Variants in LUZP2 observed in about 807,000 individuals in gnomAD.
The protein encoded by LUZP2 is leucine zipper protein 2.
LUZP2 carries 52 observed loss-of-function variants against 51.6 expected under a neutral mutation model. That is an observed-to-expected ratio of 1.01 (90% CI 0.81 to 1.27). The LOEUF is 1.27. Among genes scored for constraint, LUZP2 ranks in the 50% most tolerant of loss-of-function variants. The probability of loss-of-function intolerance (pLI) is 0.00; values close to 1 mark genes in which losing one functional copy is unlikely to be tolerated. For missense variants in LUZP2, 436 were observed against 395.4 expected, an observed-to-expected ratio of 1.10 and a Z score of -0.87; for synonymous variants, 154 against 137.3, an observed-to-expected ratio of 1.12 and a Z score of -0.85.
Position 24,557,870 on chromosome 11 carries a change from G to GTGCTGAGCCCGTTTCTCTTC in LUZP2, c.62+60572_62+60591dup, listed in dbSNP as rs1851917073. 7.2e-5 allele frequency among the ~76,000 whole-genome samples: 11 copies of GTGCTGAGCCCGTTTCTCTTC among 152,232 alleles called. No individual in the cohort carries two copies. In the South Asian group the frequency reaches 2.3e-3, roughly 32 times the overall value. ...ACTATTATGCTTGATTCTTCAGTAT[G>GTGCTGAGCCCGTTTCTCTTC]TGCTGAGCCCGTTTCTCTTCTGCTG... On this transcript the variant is annotated intron_variant, in intron 1 of 11. Transcript: ENST00000336930.
At chr11:24,998,170 A>T (rs372975460) in intron 9 of LUZP2, among the ~76,000 whole-genome samples, 1 of 152,038 alleles carries the variant, frequency 6.6e-6, no homozygotes, top group African/African-American at 2.4e-5. Flanking sequence ...GTCATTGGTA[A>T]CTTGATGGGG....
intron 5 of LUZP2, among the ~76,000 whole-genome samples, chr11:24,808,760 T>C (rs1362822890): frequency 6.6e-6 from 1 of 152,148 alleles, no homozygotes; most frequent in Non-Finnish European, 1.5e-5. Flanking sequence ...TGGAGTCACA[T>C]GTAACAAATC....
chr11:25,005,414 T>A (rs1448636337), intron 9 of LUZP2, among the ~76,000 whole-genome samples: 1 of 152,144 alleles, frequency 6.6e-6, no homozygotes, highest in Non-Finnish European at 1.5e-5. Flanking sequence ...GCAGGATAGT[T>A]TTGTAATTTA....
chr11:24,824,353 C>A (rs1850456442), intron 5 of LUZP2, among the ~76,000 whole-genome samples: 1 of 30,546 alleles, frequency 3.3e-5, no homozygotes, highest in Non-Finnish European at 8.6e-5. Context: ...GCAAGAAGAG[C>A]AAAACCCCAT....
chr11:24,947,816 G>C (rs2133858084), intron 7 of LUZP2, among the ~76,000 whole-genome samples: 1 of 151,892 alleles, frequency 6.6e-6, no homozygotes, highest in Non-Finnish European at 1.5e-5. Flanking sequence ...TCATGAGAAA[G>C]CCGCTGTTGT....
At chr11:24,991,582 G>A (rs1239413495) in intron 9 of LUZP2, among the ~76,000 whole-genome samples, 1 of 151,566 alleles carries the variant, frequency 6.6e-6, no homozygotes, top group African/African-American at 2.4e-5. Context: ...TGTATAGGTA[G>A]CCAGTAATGG....
chr11:24,966,577 T>A (rs1461584813), intron 7 of LUZP2, among the ~76,000 whole-genome samples: 1 of 149,562 alleles, frequency 6.7e-6, no homozygotes, highest in Non-Finnish European at 1.5e-5. Flanking sequence ...GAGGAAAAGA[T>A]CAAGGTTGAT....
At chr11:24,782,886 G>A (rs1237755492) in intron 5 of LUZP2, among the ~76,000 whole-genome samples, 2 of 151,934 alleles carry the variant, frequency 1.3e-5, no homozygotes, top group African/African-American at 4.8e-5. Flanking sequence ...GCACAATTCA[G>A]TAAATCAGTC....
intron 5 of LUZP2, among the ~76,000 whole-genome samples, chr11:24,793,716 T>C (rs1436580914): frequency 2.0e-5 from 3 of 152,140 alleles, no homozygotes; most frequent in African/African-American, 7.2e-5. Flanking sequence ...ACAGTCAATG[T>C]CTTTGTCTGT....
intron 4 of LUZP2, among the ~76,000 whole-genome samples, chr11:24,745,672 ATTTGTTTTGT>A (rs370565971): frequency 6.6e-6 from 1 of 151,530 alleles, no homozygotes; most frequent in Admixed American, 6.6e-5. Context: ...TTGTTGTTTG[ATTTGTTTTGT>A]TTTGTTTTGT....
intron 7 of LUZP2, among the ~76,000 whole-genome samples, chr11:24,927,918 A>T (rs1854327915): frequency 6.6e-6 from 1 of 151,986 alleles, no homozygotes; most frequent in African/African-American, 2.4e-5. Flanking sequence ...TTCTTTCAGC[A>T]CTGCTTTGTA....
chr11:24,961,766 A>G (rs1463461726), intron 7 of LUZP2, among the ~76,000 whole-genome samples: 1 of 150,482 alleles, frequency 6.6e-6, no homozygotes, highest in Non-Finnish European at 1.5e-5. Flanking sequence ...TAATATTGTT[A>G]TGTGTGAATT....
chr11:24,695,555 G>A (rs914999392), intron 1 of LUZP2, among the ~76,000 whole-genome samples: 2 of 151,876 alleles, frequency 1.3e-5, no homozygotes, highest in East Asian at 1.9e-4. Context: ...TGTAGTACAC[G>A]AGAACTTATC....
At chr11:24,827,000 A>G (rs1850563084) in intron 5 of LUZP2, among the ~76,000 whole-genome samples, 2 of 152,196 alleles carry the variant, frequency 1.3e-5, no homozygotes, top group African/African-American at 2.4e-5. Context: ...ATCCTTTTCA[A>G]TAAAATTATA....
intron 1 of LUZP2, among the ~76,000 whole-genome samples, chr11:24,527,441 C>T (rs1181038579): frequency 8.9e-6 from 1 of 112,142 alleles, no homozygotes; most frequent in Non-Finnish European, 1.7e-5. Flanking sequence ...CAATCACTTT[C>T]TCTCTGACAA....
chr11:24,844,190 G>C (rs1337796000), intron 5 of LUZP2, among the ~76,000 whole-genome samples: 1 of 152,146 alleles, frequency 6.6e-6, no homozygotes, highest in Non-Finnish European at 1.5e-5. Flanking sequence ...CAATAATACA[G>C]ATAATGATAT....
chr11:24,534,706 A>T (rs1851118572), intron 1 of LUZP2, among the ~76,000 whole-genome samples: 3 of 151,520 alleles, frequency 2.0e-5, no homozygotes, highest in African/African-American at 7.3e-5. Flanking sequence ...AAAAGGAGAA[A>T]CACAATATTT....
At chr11:24,557,458 A>G (rs1292434780) in intron 1 of LUZP2, among the ~76,000 whole-genome samples, 1 of 152,188 alleles carries the variant, frequency 6.6e-6, no homozygotes. Flanking sequence ...TTGACTGAAT[A>G]GACATATCTT....
intron 1 of LUZP2, among the ~76,000 whole-genome samples, chr11:24,722,490 C>T (rs956932234): frequency 6.6e-6 from 1 of 152,090 alleles, no homozygotes; most frequent in African/African-American, 2.4e-5. Flanking sequence ...CAACCACATC[C>T]CACCAGGTTC....
Sources: gnomAD v4.1 joint callset for allele counts (sites outside exome capture counted in the v4.1 genomes callset) on GRCh38, gnomAD v4.1.1 for gene constraint, MANE v1.5 for transcripts, NCBI Gene and HGNC (gene_info 2026-07-23, HGNC 2026-07-21) for gene names.